The following THAP9 variants were observed in gnomAD, a reference collection of about 807,000 sequenced individuals.
The protein encoded by THAP9 is THAP domain containing 9, also known as DNA transposase THAP9.
A neutral mutation model predicts 35.7 loss-of-function variants in THAP9; 20 were observed. That is an observed-to-expected ratio of 0.56 (90% CI 0.39 to 0.81). The LOEUF (loss-of-function observed/expected upper bound fraction) is 0.81. THAP9 is among the 40% of genes least tolerant of loss of function. The pLI is 0.00. For synonymous variants in THAP9, 335 were observed against 373.7 expected (o/e 0.90, Z 1.19); for missense variants, 870 against 1,047.4 (o/e 0.83, Z 2.34).
Position 82,917,303 on chromosome 4 carries a change from T to A in THAP9, c.1091T>A (p.Ile364Lys). The change falls in exon 5 of 5, where the codon ATA becomes AAA. Residue 364 changes from isoleucine (I) to lysine (K), a missense_variant. Physicochemically the swap from Ile to Lys is moderately radical, Grantham distance 102 (BLOSUM62 -3). This residue lies in a region of THAP9 where 440 missense variants were observed against 501.2 expected (regional missense o/e 0.88). Transcript: ENST00000302236. ...CTGACTATTGGTAAACTGAGTGACA[T>A]AGGAATCACAGTTCTGGCTGTTACA... Reference protein sequence around the residue: ...LRLTIGKLSDIGITVLAVTSD... With the variant: ...LRLTIGKLSDKGITVLAVTSD... 1 of 1,614,048 alleles carries A rather than the reference T, an allele frequency of 6.2e-7. No homozygotes were observed.
chr4:82,900,873 C>A lies in THAP9; in HGVS notation c.71C>A (p.Ser24Tyr). 6.2e-7 allele frequency: 1 copy of A among 1,613,434 alleles called. No individual in the cohort carries two copies. Among genetic ancestry groups the A allele is most frequent in the Non-Finnish European group, 8.5e-7 (1 of 1,180,000 alleles). ...DTVLSRERGL[S>Y]FHQFPTDTIQ... Reference sequence around the variant, plus strand: ...GTGCTCAGCCGGGAGCGCGGCCTCTCCTTCCACCAGTGCGTATGGGAGCAG... The same window carrying A: ...GTGCTCAGCCGGGAGCGCGGCCTCTACTTCCACCAGTGCGTATGGGAGCAG... The change falls in exon 1 of 5, where the codon TCC (serine) becomes TAC (tyrosine). Residue 24 changes from serine (S) to tyrosine (Y), a missense_variant. Ser to Tyr is a moderately radical substitution (Grantham distance 144, BLOSUM62 -2). Around this residue, in one of 3 missense-constraint regions of THAP9, gnomAD observed 440 missense variants for 501.2 expected, o/e 0.88. Coordinates refer to ENST00000302236, the MANE Select transcript of THAP9 (RefSeq NM_024672.6).
Position 82,918,216 on chromosome 4 carries a change from C to T in THAP9, c.2004C>T (p.Asp668=), listed in dbSNP as rs770923737. 3 of 1,614,076 alleles carry T rather than the reference C, an allele frequency of 1.9e-6. No homozygotes were observed. Among genetic ancestry groups the T allele is most frequent in the African/African-American group, 1.3e-5 (1 of 74,932 alleles). ...ACATTTCAATTGCTCGAAGGAAAGA[C>T]TTGGCGCTTTGGACAGTTCAACGTC... ...IFDISIARRK[D]LALWTVQRQY... Residue 668 remains aspartate, a synonymous_variant, in exon 5 of 5, where the codon GAC becomes GAT. Transcript: ENST00000302236.
intron 4 of THAP9, among the ~76,000 whole-genome samples, chr4:82,913,726 C>T (rs937731585): frequency 1.3e-5 from 2 of 151,774 alleles, no homozygotes; most frequent in African/African-American, 2.4e-5. Context: ...TATAAGTTCT[C>T]ATCTTTTTTT....
At position 82,917,464 on chromosome 4, in the gene THAP9, T is replaced by G; in HGVS notation, c.1252T>G (p.Leu418Val). 1.2e-6 allele frequency: 2 copies of G among 1,614,006 alleles called. No homozygotes were observed. Among genetic ancestry groups the G allele is most frequent in the Non-Finnish European group, 1.7e-6 (2 of 1,179,848 alleles). ...TGCATACTTCTTTGACTCTTGCCAC[T>G]TGCTAAGATTAATAAGAAATGCATT... ...QIAYFFDSCH[L>V]LRLIRNAFQN... Residue 418 changes from leucine to valine, a missense_variant, in exon 5 of 5, where the codon TTG becomes GTG. Leu to Val is a conservative substitution (Grantham distance 32). Transcript: ENST00000302236.
chr4:82,908,256 G>A (rs897765955), intron 4 of THAP9, among the ~76,000 whole-genome samples: 3 of 152,094 alleles, frequency 2.0e-5, no homozygotes, highest in Non-Finnish European at 4.4e-5. Flanking sequence ...CACTCTGGGT[G>A]GATAAAATTT....
chr4:82,906,477 C>A lies in THAP9; in HGVS notation c.430C>A (p.Gln144Lys), dbSNP rs1578446582. 2 of 1,613,666 alleles carry A rather than the reference C, an allele frequency of 1.2e-6. No individual in the cohort carries two copies. Among genetic ancestry groups the A allele is most frequent in the Non-Finnish European group, 1.7e-6 (2 of 1,179,728 alleles). ...IGAEKLAEVQQMLQVSKKRLI... is the reference protein window; with the variant it reads ...IGAEKLAEVQKMLQVSKKRLI... Reference sequence around the variant, plus strand: ...TGCAGAGAAACTGGCTGAGGTGCAACAAATGTTACAAGTGTCCAAAAAAAG... The same window carrying A: ...TGCAGAGAAACTGGCTGAGGTGCAAAAAATGTTACAAGTGTCCAAAAAAAG... Residue 144 changes from glutamine (Q) to lysine (K), a missense_variant, in exon 3 of 5, where the codon CAA becomes AAA. Physicochemically the swap from Gln to Lys is moderately conservative, Grantham distance 53. Transcript: ENST00000302236.
rs373633298 is a variant in THAP9, at chr4:82,918,435, A to G, written c.2223A>G (p.Ala741=). ...AGGACTGCATCACTGCACTGTATGC[A>G]TCGGATCTCAAAGCCTCTAAAATTG... ...TCEDCITALY[A]SDLKASKIGS... The change falls in exon 5 of 5, where the codon GCA becomes GCG. Residue 741 remains alanine, a synonymous_variant. Coordinates refer to ENST00000302236, the MANE Select transcript of THAP9 (RefSeq NM_024672.6). 6.2e-6 allele frequency: 10 copies of G among 1,614,088 alleles called. No homozygotes were observed. In the East Asian group the frequency reaches 1.1e-4, roughly 18 times the overall value.
In THAP9 at chr4:82,900,832, C is replaced by T; in HGVS notation, c.30C>T (p.Cys10=). The T allele has an allele frequency of 1.2e-6, 2 of 1,613,626 alleles. No homozygotes were observed. The highest frequency in any genetic ancestry group is 1.7e-6 in the Non-Finnish European group (2 of 1,180,032). The change falls in exon 1 of 5, where the codon TGC becomes TGT. Residue 10 remains cysteine (C), a synonymous_variant. Transcript: ENST00000302236. MTRSCSAVG[C]STRDTVLSRE... Reference sequence around the variant, plus strand: ...CCCGAAGTTGCTCCGCAGTGGGCTGCAGCACCCGTGACACCGTGCTCAGCC... The same window carrying T: ...CCCGAAGTTGCTCCGCAGTGGGCTGTAGCACCCGTGACACCGTGCTCAGCC...
chr4:82,918,911 A>T lies in THAP9; in HGVS notation c.2699A>T (p.Tyr900Phe). ...AGGCATTTGCTAAGTAACGATGGAT[A>T]TCCATTCAAATGAGAGACCTAAAAT... is the stretch of plus-strand genomic sequence containing the variant. ...KFRHLLSNDGYPFK is the reference protein window; with the variant it reads ...KFRHLLSNDGFPFK The change falls in exon 5 of 5, where the codon TAT becomes TTT. Residue 900 changes from tyrosine to phenylalanine, a missense_variant. By Grantham distance (22) the Tyr-to-Phe change is conservative (BLOSUM62 3). Transcript: ENST00000302236. 6.3e-7 allele frequency: 1 copy of T among 1,589,346 alleles called. No homozygotes were observed. The highest frequency in any genetic ancestry group is 8.6e-7 in the Non-Finnish European group (1 of 1,168,216).
Position 82,907,895 on chromosome 4 carries a change from A to G in THAP9, c.691A>G (p.Arg231Gly). 1 of 1,610,864 alleles carries G rather than the reference A, an allele frequency of 6.2e-7. No individual in the cohort carries two copies. Among genetic ancestry groups the G allele is most frequent in the Non-Finnish European group, 8.5e-7 (1 of 1,179,020 alleles). The part of the protein sequence containing the change: ...LCSSKVYDYV[R>G]KILKLPHSSI... ...CAGTAGCAAAGTCTATGATTATGTA[A>G]GAAAGATTCTTAAGCTGCCTCATTC... is the stretch of plus-strand genomic sequence containing the variant. Residue 231 changes from arginine (R) to glycine (G), a missense_variant, in exon 4 of 5, where the codon AGA becomes GGA. This residue lies in a region of THAP9 where 440 missense variants were observed against 501.2 expected (regional missense o/e 0.88). Coordinates refer to ENST00000302236, the MANE Select transcript of THAP9 (RefSeq NM_024672.6).
Position 82,918,750 on chromosome 4 carries a change from C to A in THAP9, c.2538C>A (p.Ile846=), listed in dbSNP as rs1430259027. The change falls in exon 5 of 5, where the codon ATC becomes ATA. Residue 846 remains isoleucine (I), a synonymous_variant. Coordinates refer to ENST00000302236, the MANE Select transcript of THAP9 (RefSeq NM_024672.6). ...ATATAATAATCTGTTTCTTAAATAT[C>A]AGAGCTAAAAATGTTGCACAGAATC... ...LKDIIICFLN[I]RAKNVAQNPL... 10 of 1,613,774 alleles carry A rather than the reference C, an allele frequency of 6.2e-6. No individual in the cohort carries two copies. Among genetic ancestry groups the A allele is most frequent in the African/African-American group, 1.3e-5 (1 of 75,018 alleles).
intron 2 of THAP9, 105 bp downstream of exon 2, chr4:82,905,036 T>G: frequency 9.9e-7 from 1 of 1,009,678 alleles, no homozygotes; most frequent in Non-Finnish European, 1.4e-6. Flanking sequence ...AAAACCCAAG[T>G]CTTAAATCCA....
Position 82,917,395 on chromosome 4 carries a change from A to T in THAP9, c.1183A>T (p.Met395Leu), listed in dbSNP as rs772273507. Residue 395 changes from methionine to leucine, a missense_variant, in exon 5 of 5, where the codon ATG becomes TTG. Around this residue, in one of 3 missense-constraint regions of THAP9, gnomAD observed 440 missense variants for 501.2 expected, o/e 0.88. Coordinates refer to ENST00000302236, the MANE Select transcript of THAP9 (RefSeq NM_024672.6). ...ALGIHIDGDDMKCTFQHPSSS... is the reference protein window; with the variant it reads ...ALGIHIDGDDLKCTFQHPSSS... ...GGGGATACATATTGATGGAGACGAC[A>T]TGAAATGTACATTTCAGCATCCTTC... The T allele has an allele frequency of 2.5e-6, 4 of 1,613,756 alleles. No individual in the cohort carries two copies. The South Asian group carries it at 4.4e-5, about 18-fold the overall frequency.
intron 4 of THAP9, among the ~76,000 whole-genome samples, chr4:82,911,163 A>G (rs1720851837): frequency 6.6e-6 from 1 of 152,250 alleles, no homozygotes; most frequent in Admixed American, 6.5e-5. Flanking sequence ...GATGACATCC[A>G]ACACTACTGT....
At chr4:82,908,173 A>G (rs543527091) in intron 4 of THAP9, among the ~76,000 whole-genome samples, 2 of 152,326 alleles carry the variant, frequency 1.3e-5, no homozygotes, top group East Asian at 3.9e-4. Context: ...GTATTTGCCA[A>G]TTATCACAAC....
At chr4:82,904,957 C>A in intron 2 of THAP9, 26 bp downstream of exon 2, 2 of 1,600,220 alleles carry the variant, frequency 1.2e-6, no homozygotes, top group Non-Finnish European at 8.5e-7. Context: ...TGTAAGTCAA[C>A]AAAATGAAAA....
chr4:82,907,730 T>C, intron 3 of THAP9, 55 bp from the exon 4 acceptor site: 1 of 1,338,636 alleles, frequency 7.5e-7, no homozygotes, highest in South Asian at 1.4e-5. Flanking sequence ...TGCTATAATC[T>C]GTACCTGAAA....
At chr4:82,900,950 G>T (rs1289318990) in intron 1 of THAP9, 68 bp downstream of exon 1, 7 of 1,582,676 alleles carry the variant, frequency 4.4e-6, no homozygotes, top group South Asian at 2.2e-5. Context: ...GGCGTGGCGT[G>T]GGGCGGGGCC....
Position 82,906,535 on chromosome 4 carries a change from A to AG in THAP9, c.489dup (p.Lys164GlufsTer9). The AG allele has an allele frequency of 6.2e-7, 1 of 1,613,830 alleles. No individual in the cohort carries two copies. The highest frequency in any genetic ancestry group is 2.2e-5 in the East Asian group (1 of 44,844). ...TCCGTAAAGAACTACAGGATGATCA[A>AG]GAAGAGAAAGGGTTTACGATTAATT... On this transcript the variant is annotated frameshift_variant, in exon 3 of 5. Coordinates refer to ENST00000302236, the MANE Select transcript of THAP9 (RefSeq NM_024672.6). LOFTEE classifies it high-confidence loss of function.
Sources: allele counts gnomAD v4.1 joint callset (sites outside exome capture counted in the v4.1 genomes callset), GRCh38; gene constraint gnomAD v4.1.1; regional missense constraint gnomAD v4.1.1; transcripts MANE v1.5; gene names NCBI Gene and HGNC (gene_info 2026-07-23, HGNC 2026-07-21).